MAPKAP1: variants seen among roughly 807,000 people sequenced by gnomAD.
The protein encoded by MAPKAP1 is target of rapamycin complex 2 subunit MAPKAP1.
A neutral mutation model predicts 65.7 loss-of-function variants in MAPKAP1; 20 were observed. The ratio of observed to expected loss-of-function variants is 0.30; its 90% CI spans 0.21 to 0.44. The LOEUF (loss-of-function observed/expected upper bound fraction) is 0.44, where lower values mean the gene tolerates loss of function less well. Among genes scored for constraint, MAPKAP1 ranks in the 20% least tolerant of loss-of-function variants. MAPKAP1 has a pLI of 1.00. For missense variants in MAPKAP1, 423 were observed against 648.0 expected (o/e 0.65, Z 3.77); for synonymous variants, 222 against 244.3 (o/e 0.91, Z 0.85).
At chr9:125,442,527 T>G (rs545819784) in intron 11 of MAPKAP1, among the ~76,000 whole-genome samples, 20 of 129,840 alleles carry the variant, frequency 1.5e-4, no homozygotes, top group African/African-American at 5.7e-4. Flanking sequence ...AATATTTTAA[T>G]GCTGGCTATA....
rs1036224241 is a variant in MAPKAP1, at chr9:125,447,684, C to T, written c.1346-3086G>A. On this transcript the variant is annotated intron_variant, in intron 10 of 11. Transcript: ENST00000265960. This position sits in a 1 kb window ranked among gnomAD's most constrained non-coding sequence, Gnocchi z 4.5. ...GAGCAAAGGACAGAGAAATGAACAC[C>T]GAGAGTCAAATATGATGAGCGTGAA... Among the ~76,000 whole-genome samples the T allele has an allele frequency of 6.6e-5, 10 of 152,150 alleles. No individual in the cohort carries two copies. The highest frequency in any genetic ancestry group is 1.4e-4 in the African/African-American group (6 of 41,430).
chr9:125,477,486 C>T (rs1854152458), intron 9 of MAPKAP1, among the ~76,000 whole-genome samples: 1 of 152,170 alleles, frequency 6.6e-6, no homozygotes, highest in Non-Finnish European at 1.5e-5. Context: ...GATATTGAGC[C>T]AGCAGGCCTG....
chr9:125,507,699 A>G (rs1829183420), intron 7 of MAPKAP1, among the ~76,000 whole-genome samples: 2 of 152,234 alleles, frequency 1.3e-5, no homozygotes, highest in African/African-American at 4.8e-5. Flanking sequence ...CACTACTTAA[A>G]TAAAGCTTTT....
intron 4 of MAPKAP1, among the ~76,000 whole-genome samples, chr9:125,636,901 G>A (rs182172292): frequency 4.6e-5 from 7 of 152,296 alleles, no homozygotes; most frequent in Non-Finnish European, 1.0e-4. Flanking sequence ...CAAAAATCTC[G>A]TGTCTAGCTA....
At chr9:125,509,116 T>C (rs561881973) in intron 7 of MAPKAP1, among the ~76,000 whole-genome samples, 13 of 152,216 alleles carry the variant, frequency 8.5e-5, no homozygotes, top group African/African-American at 2.6e-4. Flanking sequence ...CAAAACAAGC[T>C]AGAATAGTGG....
chr9:125,635,605 A>G (rs1833401262), intron 4 of MAPKAP1, among the ~76,000 whole-genome samples: 1 of 152,238 alleles, frequency 6.6e-6, no homozygotes, highest in Admixed American at 6.5e-5. Flanking sequence ...AATGTAATCT[A>G]AACACTATTT....
chr9:125,490,538 T>A (rs987055159), intron 8 of MAPKAP1, among the ~76,000 whole-genome samples: 1 of 151,658 alleles, frequency 6.6e-6, no homozygotes, highest in Non-Finnish European at 1.5e-5. Context: ...AAACTCTGTC[T>A]CAAAAAACAA....
At chr9:125,475,224 C>T (rs560617560) in intron 9 of MAPKAP1, among the ~76,000 whole-genome samples, 1 of 152,308 alleles carries the variant, frequency 6.6e-6, no homozygotes, top group South Asian at 2.1e-4. Context: ...CAGGCCAGGG[C>T]TTAAACAGAC....
intron 10 of MAPKAP1, among the ~76,000 whole-genome samples, chr9:125,445,068 G>A (rs1487299183): frequency 6.6e-6 from 1 of 152,106 alleles, no homozygotes; most frequent in Non-Finnish European, 1.5e-5. Flanking sequence ...GCCTGGAGAG[G>A]GAGAATCCCA....
chr9:125,621,532 C>A (rs535765655), intron 4 of MAPKAP1, among the ~76,000 whole-genome samples: 2 of 152,278 alleles, frequency 1.3e-5, no homozygotes, highest in Non-Finnish European at 2.9e-5. Context: ...CAATGCCAAA[C>A]ACACAGTAAA....
chr9:125,585,410 G>A (rs577706640), intron 5 of MAPKAP1, 145 bp downstream of exon 5: 25 of 760,996 alleles, frequency 3.3e-5, no homozygotes, highest in South Asian at 1.2e-4. Flanking sequence ...ATGCACAGGC[G>A]CGAGACCTGG....
intron 5 of MAPKAP1, among the ~76,000 whole-genome samples, chr9:125,577,618 GGTCAGCCCCCCGCCC>G (rs1190015287): frequency 6.8e-5 from 3 of 44,020 alleles, no homozygotes; most frequent in East Asian, 1.8e-3. Context: ...AGGTGGGGGG[GGTCAGCCCCCCGCCC>G]GGCCAGCCGC....
intron 8 of MAPKAP1, among the ~76,000 whole-genome samples, chr9:125,492,531 A>C (rs1438027842): frequency 6.6e-6 from 1 of 152,206 alleles, no homozygotes; most frequent in Non-Finnish European, 1.5e-5. Context: ...CATAGATGTG[A>C]TTTAATTGGA....
Position 125,625,255 on chromosome 9 carries a change from TAAAAAAAAAAA to T in MAPKAP1, c.498+32385_498+32395del, listed in dbSNP as rs58671780. 1.2e-4 allele frequency among the ~76,000 whole-genome samples: 8 copies of T among 64,670 alleles called. 1 individual carries two copies. Among genetic ancestry groups the T allele is most frequent in the Non-Finnish European group, 1.8e-4 (6 of 32,848 alleles). The allele number at this position is 64,670 out of a possible 152,430, so 42.4% of individuals were successfully genotyped here. On this transcript the variant is annotated intron_variant, in intron 4 of 11. Coordinates refer to ENST00000265960, the MANE Select transcript of MAPKAP1 (RefSeq NM_001006617.3). ...TATCAATAAAAAAAAAATAAATAAATAAAAAAAAAAAAAAAAAAAAAAAAACAAGGGAGAGA... is the reference window on the plus strand; with the variant it reads ...TATCAATAAAAAAAAAATAAATAAATAAAAAAAAAAAAAACAAGGGAGAGA...
At chr9:125,664,790 C>T (rs536471712) in intron 3 of MAPKAP1, among the ~76,000 whole-genome samples, 68 of 151,446 alleles carry the variant, frequency 4.5e-4, no homozygotes, top group African/African-American at 1.6e-3. Context: ...CCTCAATACC[C>T]AAAGCTTCAG....
chr9:125,599,528 T>C (rs868032816), intron 4 of MAPKAP1, among the ~76,000 whole-genome samples: 2 of 152,136 alleles, frequency 1.3e-5, no homozygotes, highest in Admixed American at 6.5e-5. Context: ...TATAATCCTT[T>C]CAAGAGTACA....
chr9:125,586,077 G>T (rs1028267816), intron 4 of MAPKAP1, among the ~76,000 whole-genome samples: 2 of 152,024 alleles, frequency 1.3e-5, no homozygotes, highest in African/African-American at 4.8e-5. Context: ...TGCCTCTCTG[G>T]CAACTGTCTC....
At chr9:125,477,940 A>G (rs1185157524) in intron 9 of MAPKAP1, 1 of 152,242 alleles carries the variant, frequency 6.6e-6, no homozygotes, top group Non-Finnish European at 1.5e-5. Flanking sequence ...ACTTTTTAGG[A>G]CTGACAGAGG....
intron 4 of MAPKAP1, among the ~76,000 whole-genome samples, chr9:125,592,245 AG>A (rs1455117257): frequency 6.6e-6 from 1 of 152,200 alleles, no homozygotes; most frequent in African/African-American, 2.4e-5. Flanking sequence ...CCCAGGCTAA[AG>A]GGGGCTAGTG....
Sources: allele counts gnomAD v4.1 joint callset (sites outside exome capture counted in the v4.1 genomes callset), GRCh38; gene constraint gnomAD v4.1.1; non-coding constraint Gnocchi (gnomAD v3.1); transcripts MANE v1.5; gene names NCBI Gene and HGNC (gene_info 2026-07-23, HGNC 2026-07-21).